Variants in RASSF5 observed in about 807,000 individuals in gnomAD.
The protein encoded by RASSF5 is Ras association domain family member 5, also known as ras association domain-containing protein 5.
Under a neutral mutation model 40.5 loss-of-function variants are expected in RASSF5, and 25 were observed. That is an observed-to-expected ratio of 0.62 (90% CI 0.45 to 0.86). The LOEUF is 0.86. RASSF5 is among the 40% of genes least tolerant of loss of function. The probability of loss-of-function intolerance (pLI) is 0.00; values close to 1 mark genes in which losing one functional copy is unlikely to be tolerated. For synonymous variants in RASSF5, 246 were observed against 252.4 expected, an observed-to-expected ratio of 0.97 and a Z score of 0.24; for missense variants, 521 against 572.8, an observed-to-expected ratio of 0.91 and a Z score of 0.92.
chr1:206,515,696 C>T (rs1202453546), intron 1 of RASSF5, among the ~76,000 whole-genome samples: 1 of 152,220 alleles, frequency 6.6e-6, no homozygotes, highest in African/African-American at 2.4e-5. Context: ...CTCCCACCCC[C>T]AAGCCAGCTC....
At chr1:206,522,620 C>T (rs1339964748) in intron 1 of RASSF5, among the ~76,000 whole-genome samples, 3 of 152,136 alleles carry the variant, frequency 2.0e-5, no homozygotes, top group African/African-American at 7.2e-5. Context: ...GGGGGATTCT[C>T]AGGACTGCTC....
rs782573550 is a variant in RASSF5 at position 206,584,400 on chromosome 1, C to A, written c.704C>A (p.Thr235Asn). ...CCCCGCTGGCAGAGTGAAGACGGCA[C>A]CTACACGGGTTTCATCAAAGTGCAT... The part of the protein sequence containing the change: ...CLGMKLSEDG[T>N]YTGFIKVHLK... Residue 235 changes from threonine to asparagine, a missense_variant, in exon 4 of 6, where the codon ACC becomes AAC. Physicochemically the swap from Thr to Asn is moderately conservative, Grantham distance 65 (BLOSUM62 0). Transcript: ENST00000579436. This position sits in a 1 kb window ranked among gnomAD's most constrained non-coding sequence, Gnocchi z 4.9. The A allele has an allele frequency of 6.2e-7, 1 of 1,612,726 alleles. No individual in the cohort carries two copies. Among genetic ancestry groups the A allele is most frequent in the East Asian group, 2.2e-5 (1 of 44,882 alleles).
chr1:206,581,126 C>A (rs1358923905), intron 2 of RASSF5: 3 of 152,258 alleles, frequency 2.0e-5, no homozygotes, highest in Non-Finnish European at 4.4e-5. Context: ...CAGGGGACCA[C>A]AGGCATGTTT....
At chr1:206,529,802 G>A (rs550950445) in intron 1 of RASSF5, 106 of 407,052 alleles carry the variant, frequency 2.6e-4, no homozygotes, top group African/African-American at 1.9e-3. Flanking sequence ...GTGTGTGCCT[G>A]TAATCCCAGC....
chr1:206,529,275 G>A lies in RASSF5; in HGVS notation c.458-8897G>A, dbSNP rs142246053. 2.7e-3 allele frequency: 2,625 copies of A among 968,560 alleles called. 47 individuals are homozygous for A. In the African/African-American group the frequency reaches 0.036, roughly 13 times the overall value. The allele number at this position is 968,560 out of a possible 1,614,324, so 60.0% of individuals were successfully genotyped here. Reference sequence around the variant, plus strand: ...GGCCCAGGCTGAGAAGAGAGCTGCCGGCAAAGGGGACGTCCCCACTAAGAG... The same window carrying A: ...GGCCCAGGCTGAGAAGAGAGCTGCCAGCAAAGGGGACGTCCCCACTAAGAG... On this transcript the variant is annotated intron_variant, in intron 1 of 5. Transcript: ENST00000579436.
At chr1:206,564,621 C>T (rs1413350662) in intron 2 of RASSF5, among the ~76,000 whole-genome samples, 3 of 152,164 alleles carry the variant, frequency 2.0e-5, no homozygotes, top group African/African-American at 7.2e-5. Flanking sequence ...ATTCTCTTCT[C>T]TTCTGCTCTT....
At chr1:206,517,139 A>C (rs1239548445) in intron 1 of RASSF5, among the ~76,000 whole-genome samples, 1 of 152,160 alleles carries the variant, frequency 6.6e-6, no homozygotes, top group Non-Finnish European at 1.5e-5. Flanking sequence ...AGATTCTGCA[A>C]GTGTGTGAGT....
At chr1:206,555,481 G>T (rs775596667) in intron 2 of RASSF5, among the ~76,000 whole-genome samples, 1 of 151,616 alleles carries the variant, frequency 6.6e-6, no homozygotes, top group East Asian at 1.9e-4. Flanking sequence ...GATGGCCCAA[G>T]GATCACAGGA....
chr1:206,509,788 G>A (rs150826864), intron 1 of RASSF5, among the ~76,000 whole-genome samples: 2 of 151,802 alleles, frequency 1.3e-5, no homozygotes, highest in African/African-American at 4.8e-5. Context: ...GCCTGTGTGT[G>A]ATACTCCATG....
intron 1 of RASSF5, chr1:206,518,597 C>A (rs1433619661): frequency 7.5e-6 from 3 of 398,034 alleles, no homozygotes; most frequent in Non-Finnish European, 1.3e-5. Context: ...GCCTCTGCTA[C>A]TGGCTTCTCC....
chr1:206,567,778 C>T (rs990655146), intron 2 of RASSF5, among the ~76,000 whole-genome samples: 3 of 151,990 alleles, frequency 2.0e-5, no homozygotes, highest in Admixed American at 6.6e-5. Flanking sequence ...CTGGAATGTG[C>T]GATAGTAATG....
intron 2 of RASSF5, chr1:206,557,125 C>G (rs1553401866): frequency 2.0e-6 from 2 of 990,040 alleles, no homozygotes; most frequent in African/African-American, 1.7e-5. Flanking sequence ...CAGTGACAGC[C>G]GAGCCGGCTT....
Position 206,574,850 on chromosome 1 carries a change from T to C in RASSF5, c.580-8419T>C, listed in dbSNP as rs748633887. On this transcript the variant is annotated intron_variant, in intron 2 of 5. Coordinates refer to ENST00000579436, the MANE Select transcript of RASSF5 (RefSeq NM_182663.4). ...GTTGAGACCATCACAAAGGGACCAA[T>C]GACTTTTTTTTTTTTTTTTTTTTTT... 9.8e-4 allele frequency among the ~76,000 whole-genome samples: 138 copies of C among 140,666 alleles called. 1 individual carries two copies. Among genetic ancestry groups the C allele is most frequent in the Non-Finnish European group, 1.8e-3 (117 of 65,646 alleles). 92.3% of individuals were successfully genotyped at this position (140,666 alleles called of 152,430 possible).
rs1553400621 is a variant in RASSF5 at position 206,548,712 on chromosome 1, T to TGG, written c.579+10420_579+10421dup. ...GTGGATTTATAGTTTTCACGAAAAT[T>TGG]GGAAAAATTGGGGGCATTATTTCTT... On this transcript the variant is annotated intron_variant, in intron 2 of 5. Transcript: ENST00000579436. 3.3e-5 allele frequency among the ~76,000 whole-genome samples: 5 copies of TGG among 152,186 alleles called. No individual in the cohort carries two copies. The East Asian group carries it at 9.6e-4, about 29-fold the overall frequency.
chr1:206,573,423 CTA>C (rs1159038819), intron 2 of RASSF5, among the ~76,000 whole-genome samples: 3 of 152,182 alleles, frequency 2.0e-5, no homozygotes, highest in African/African-American at 7.2e-5. Flanking sequence ...TGAATCTCTG[CTA>C]TGTGTCAAGC....
At chr1:206,557,337 C>T (rs1405299328) in intron 2 of RASSF5, 4 of 1,280,738 alleles carry the variant, frequency 3.1e-6, no homozygotes, top group Non-Finnish European at 3.9e-6. Context: ...CAGGCGCAGG[C>T]GGCGCGGGGA....
At position 206,514,156 on chromosome 1, in the gene RASSF5, C is replaced by CT. The variant is rs562506703; in HGVS notation, c.457+6104dup. Among the ~76,000 whole-genome samples the CT allele has an allele frequency of 2.6e-5, 4 of 152,316 alleles. No individual in the cohort carries two copies. The East Asian group carries it at 5.8e-4, about 22-fold the overall frequency. On this transcript the variant is annotated intron_variant, in intron 1 of 5. Transcript: ENST00000579436. ...TGGGAAATCTTTGAGGTTTGATTCTCTTTTTTTACCCTTTTTGGAGAGGAA... is the reference window on the plus strand; with the variant it reads ...TGGGAAATCTTTGAGGTTTGATTCTCTTTTTTTTACCCTTTTTGGAGAGGAA...
chr1:206,553,683 AC>A (rs1667908735), intron 2 of RASSF5, among the ~76,000 whole-genome samples: 1 of 152,240 alleles, frequency 6.6e-6, no homozygotes, highest in African/African-American at 2.4e-5. Flanking sequence ...GGTGAGACTT[AC>A]CCCCCAAGGA....
At chr1:206,510,268 T>C (rs1553394455) in intron 1 of RASSF5, among the ~76,000 whole-genome samples, 1 of 152,162 alleles carries the variant, frequency 6.6e-6, no homozygotes, top group East Asian at 1.9e-4. Flanking sequence ...AAAAAAATCA[T>C]ACTATGCAGT....
Sources: allele counts gnomAD v4.1 joint callset (sites outside exome capture counted in the v4.1 genomes callset), GRCh38; gene constraint gnomAD v4.1.1; non-coding constraint Gnocchi (gnomAD v3.1); transcripts MANE v1.5; gene names NCBI Gene and HGNC (gene_info 2026-07-23, HGNC 2026-07-21).